Variants in NKAIN2 observed in about 807,000 individuals in gnomAD.
The protein encoded by NKAIN2 is sodium/potassium-transporting ATPase subunit beta-1-interacting protein 2.
A neutral mutation model predicts 32.6 loss-of-function variants in NKAIN2; 14 were observed. The observed-to-expected ratio is 0.43, with a 90% CI of 0.28 to 0.67. The LOEUF (loss-of-function observed/expected upper bound fraction) is 0.67. Ranked by LOEUF, NKAIN2 falls within the 30% of genes least tolerant of loss-of-function variation. NKAIN2 has a pLI of 0.17. For synonymous variants in NKAIN2, 80 were observed against 87.2 expected (o/e 0.92, Z 0.46); for missense variants, 198 against 258.3 (o/e 0.77, Z 1.60).
chr6:124,533,591 G>T (rs1292754823), intron 3 of NKAIN2, among the ~76,000 whole-genome samples: 1 of 151,502 alleles, frequency 6.6e-6, no homozygotes, highest in African/African-American at 2.4e-5. Flanking sequence ...AATATCTCAG[G>T]ATCTTTATCT....
At chr6:124,177,134 C>T (rs1789196377) in intron 1 of NKAIN2, among the ~76,000 whole-genome samples, 1 of 152,010 alleles carries the variant, frequency 6.6e-6, no homozygotes, top group Non-Finnish European at 1.5e-5. Context: ...CCCTTGAAAT[C>T]CAAAATGCAA....
intron 1 of NKAIN2, among the ~76,000 whole-genome samples, chr6:123,927,710 A>G (rs953227633): frequency 1.3e-5 from 2 of 152,232 alleles, no homozygotes; most frequent in Non-Finnish European, 2.9e-5. Flanking sequence ...TCAGTCTTGT[A>G]GTTCTGCTAT....
intron 3 of NKAIN2, among the ~76,000 whole-genome samples, chr6:124,368,480 T>C (rs774005715): frequency 2.0e-5 from 3 of 152,152 alleles, no homozygotes; most frequent in Non-Finnish European, 4.4e-5. Flanking sequence ...AACCCCATTT[T>C]CTTTTTTGTG....
chr6:124,091,293 A>G (rs748779566), intron 1 of NKAIN2, among the ~76,000 whole-genome samples: 10 of 151,980 alleles, frequency 6.6e-5, no homozygotes, highest in South Asian at 4.1e-4. Context: ...GCACATGAAA[A>G]CACTATGTCA....
intron 1 of NKAIN2, 115 bp from the exon 2 acceptor site, chr6:124,282,890 T>G: frequency 1.2e-6 from 1 of 846,726 alleles, no homozygotes; most frequent in Admixed American, 2.2e-5. Context: ...AAATGCCAGA[T>G]ATGGTAACAC....
At chr6:124,429,131 G>T (rs895513083) in intron 3 of NKAIN2, among the ~76,000 whole-genome samples, 3 of 151,960 alleles carry the variant, frequency 2.0e-5, no homozygotes, top group African/African-American at 7.3e-5. Flanking sequence ...TCTGCCTGTT[G>T]GGTTCAAGCA....
At chr6:124,410,847 C>T (rs1391376245) in intron 3 of NKAIN2, among the ~76,000 whole-genome samples, 3 of 151,668 alleles carry the variant, frequency 2.0e-5, no homozygotes, top group Admixed American at 6.6e-5. Flanking sequence ...TGTAGTCACT[C>T]GGGGCTTGCT....
intron 1 of NKAIN2, among the ~76,000 whole-genome samples, chr6:123,869,351 AT>A (rs1772747072): frequency 6.6e-6 from 1 of 152,110 alleles, no homozygotes; most frequent in African/African-American, 2.4e-5. Flanking sequence ...GAGATTATAG[AT>A]TTTCATCTTT....
At chr6:124,503,640 A>G (rs581082) in intron 3 of NKAIN2, among the ~76,000 whole-genome samples, 28,295 of 152,072 alleles carry the variant, frequency 0.19, 2,726 homozygotes, top group East Asian at 0.28. Context: ...TTCAAAGAAT[A>G]GTTCTTCAAT....
At position 124,599,980 on chromosome 6, in the gene NKAIN2, A is replaced by G. The variant is rs1461508674; in HGVS notation, c.274-58206A>G. Among the ~76,000 whole-genome samples, 3 of 152,090 alleles carry G rather than the reference A, an allele frequency of 2.0e-5. No homozygotes were observed. The East Asian group carries it at 5.8e-4, about 29-fold the overall frequency. On this transcript the variant is annotated intron_variant, in intron 3 of 6. Coordinates refer to ENST00000368417, the MANE Select transcript of NKAIN2 (RefSeq NM_001040214.3). ...TCTGGCAGCATGGCTTCTCAAATCT[A>G]TGCCAGTTAAGGTTTCCAGAGCTCC... is the stretch of plus-strand genomic sequence containing the variant.
chr6:124,800,902 A>G (rs578138102), intron 5 of NKAIN2, among the ~76,000 whole-genome samples: 4 of 152,294 alleles, frequency 2.6e-5, no homozygotes, highest in South Asian at 2.1e-4. Flanking sequence ...TAGTTTATAC[A>G]TTAACAATCC....
intron 2 of NKAIN2, among the ~76,000 whole-genome samples, chr6:124,311,803 G>T (rs184298277): frequency 1.3e-5 from 2 of 152,242 alleles, no homozygotes; most frequent in Admixed American, 1.3e-4. Flanking sequence ...CCTGTCTGAT[G>T]AATCTATTCC....
chr6:124,269,013 A>C (rs1794627364), intron 1 of NKAIN2, among the ~76,000 whole-genome samples: 1 of 152,200 alleles, frequency 6.6e-6, no homozygotes, highest in Admixed American at 6.5e-5. Context: ...AGTATGTAAA[A>C]TATGTGCACA....
intron 3 of NKAIN2, among the ~76,000 whole-genome samples, chr6:124,629,550 CT>C (rs1288274196): frequency 6.6e-6 from 1 of 152,142 alleles, no homozygotes; most frequent in African/African-American, 2.4e-5. Flanking sequence ...ATTGTTGTCT[CT>C]TTACGTTGAG....
intron 1 of NKAIN2, among the ~76,000 whole-genome samples, chr6:123,929,006 C>A (rs9491003): frequency 0.017 from 2,620 of 152,124 alleles, 79 homozygotes; most frequent in African/African-American, 0.059. Context: ...TTAAAAAACT[C>A]CACACTACAT....
At chr6:124,244,153 A>G (rs1042865938) in intron 1 of NKAIN2, among the ~76,000 whole-genome samples, 1 of 151,162 alleles carries the variant, frequency 6.6e-6, no homozygotes, top group Non-Finnish European at 1.5e-5. Context: ...GGTTAGTTAC[A>G]TATGTATACA....
chr6:124,584,412 G>C (rs954008744), intron 3 of NKAIN2, among the ~76,000 whole-genome samples: 9 of 152,166 alleles, frequency 5.9e-5, no homozygotes, highest in Middle Eastern at 3.2e-3. Context: ...AACACTTTGG[G>C]AGGCTGAGGC....
intron 1 of NKAIN2, among the ~76,000 whole-genome samples, chr6:124,273,242 A>AGGACTTG (rs2114885441): frequency 6.6e-6 from 1 of 152,274 alleles, no homozygotes; most frequent in Non-Finnish European, 1.5e-5. Context: ...TGTGGAGGGA[A>AGGACTTG]GGACTTGGTG....
At position 123,860,704 on chromosome 6, in the gene NKAIN2, G is replaced by A. The variant is rs551666021; in HGVS notation, c.54+56450G>A. ...GGATTACAAGTGTGAGCCACCATGCGTGGCAATAGTGTATATATTAATCTC... is the reference window on the plus strand; with the variant it reads ...GGATTACAAGTGTGAGCCACCATGCATGGCAATAGTGTATATATTAATCTC... On this transcript the variant is annotated intron_variant, in intron 1 of 6. Transcript: ENST00000368417. Among the ~76,000 whole-genome samples the A allele has an allele frequency of 1.5e-3, 233 of 152,272 alleles. 2 individuals are homozygous for A. The highest frequency in any genetic ancestry group is 1.9e-3 in the African/African-American group (80 of 41,544).
Sources: allele counts gnomAD v4.1 joint callset (sites outside exome capture counted in the v4.1 genomes callset), GRCh38; gene constraint gnomAD v4.1.1; transcripts MANE v1.5; gene names NCBI Gene and HGNC (gene_info 2026-07-23, HGNC 2026-07-21).